THSD7B: variants seen among roughly 807,000 people sequenced by gnomAD.
THSD7B encodes the protein thrombospondin type-1 domain-containing protein 7B.
Under a neutral mutation model 213.6 loss-of-function variants are expected in THSD7B, and 138 were observed. The ratio of observed to expected loss-of-function variants is 0.65; its 90% CI spans 0.56 to 0.74. THSD7B has a LOEUF of 0.74. Ranked by LOEUF, THSD7B falls within the 30% of genes least tolerant of loss-of-function variation. The pLI is 0.00. For synonymous variants in THSD7B, 742 were observed against 687.0 expected, an observed-to-expected ratio of 1.08 and a Z score of -1.25; for missense variants, 1,931 against 1,991.5, an observed-to-expected ratio of 0.97 and a Z score of 0.58.
At chr2:136,806,677 G>A (rs1449105267) in intron 1 of THSD7B, among the ~76,000 whole-genome samples, 1 of 152,194 alleles carries the variant, frequency 6.6e-6, no homozygotes, top group East Asian at 1.9e-4. Flanking sequence ...ACATTTGACA[G>A]AAGACGAATC....
chr2:137,160,702 C>A (rs891153357), intron 6 of THSD7B, among the ~76,000 whole-genome samples: 7 of 152,212 alleles, frequency 4.6e-5, no homozygotes, highest in African/African-American at 1.7e-4. Context: ...TGGCTCACTG[C>A]AATCTCTGCC....
intron 14 of THSD7B, among the ~76,000 whole-genome samples, chr2:137,434,136 G>C (rs1687242917): frequency 6.6e-6 from 1 of 152,186 alleles, no homozygotes; most frequent in South Asian, 2.1e-4. Flanking sequence ...TTGCAGGGAA[G>C]ACATCTCTCA....
At chr2:137,134,085 T>G (rs879094340) in intron 5 of THSD7B, among the ~76,000 whole-genome samples, 1 of 152,222 alleles carries the variant, frequency 6.6e-6, no homozygotes, top group Admixed American at 6.5e-5. Context: ...ATGCTTCATC[T>G]AAGTCATCTC....
At chr2:137,426,649 A>G (rs1687061226) in intron 14 of THSD7B, among the ~76,000 whole-genome samples, 1 of 152,184 alleles carries the variant, frequency 6.6e-6, no homozygotes, top group South Asian at 2.1e-4. Context: ...ATCATGCACA[A>G]ACTCAAAATA....
At chr2:137,191,649 C>G (rs1680661906) in intron 7 of THSD7B, among the ~76,000 whole-genome samples, 1 of 152,036 alleles carries the variant, frequency 6.6e-6, no homozygotes, top group South Asian at 2.1e-4. Context: ...CCATGGCTGC[C>G]CACCGTCCTG....
At chr2:137,590,173 T>A (rs766355823) in intron 17 of THSD7B, among the ~76,000 whole-genome samples, 9 of 152,214 alleles carry the variant, frequency 5.9e-5, no homozygotes, top group Non-Finnish European at 1.3e-4. Context: ...TGGGAAGAGC[T>A]AGATCACTGG....
In THSD7B at chr2:137,575,742, A is replaced by ATATATATATATATATATTTTTT. The variant is rs1235744133; in HGVS notation, c.3423+3187_3423+3188insATATATATATATATATTTTTTT. On this transcript the variant is annotated intron_variant, in intron 17 of 27. Coordinates refer to ENST00000409968, the MANE Select transcript of THSD7B (RefSeq NM_001316349.2). ...ATAACACACATATATATATATATAT[A>ATATATATATATATATATTTTTT]TTTTTACTTTAACATGCTTACTTTT... Among the ~76,000 whole-genome samples, 73 of 147,410 alleles carry ATATATATATATATATATTTTTT rather than the reference A, an allele frequency of 5.0e-4. 2 individuals are homozygous for ATATATATATATATATATTTTTT. Among genetic ancestry groups the ATATATATATATATATATTTTTT allele is most frequent in the East Asian group, 2.0e-3 (10 of 5,018 alleles).
At chr2:137,254,542 T>C (rs1682260005) in intron 10 of THSD7B, among the ~76,000 whole-genome samples, 1 of 152,222 alleles carries the variant, frequency 6.6e-6, no homozygotes, top group Non-Finnish European at 1.5e-5. Flanking sequence ...TGTTCATGGG[T>C]ACTGGGAAGA....
chr2:136,950,001 C>T (rs1432309826), intron 2 of THSD7B, among the ~76,000 whole-genome samples: 2 of 152,218 alleles, frequency 1.3e-5, no homozygotes, highest in South Asian at 2.1e-4. Flanking sequence ...CGCCTGTAAT[C>T]GTAGCACTTT....
At chr2:137,439,813 T>C in intron 14 of THSD7B, among the ~76,000 whole-genome samples, 1 of 152,184 alleles carries the variant, frequency 6.6e-6, no homozygotes, top group East Asian at 1.9e-4. Context: ...TAATCCATAT[T>C]CTGATTATAA....
intron 2 of THSD7B, among the ~76,000 whole-genome samples, chr2:136,914,487 C>G (rs903258178): frequency 7.2e-5 from 11 of 152,052 alleles, no homozygotes; most frequent in Admixed American, 2.0e-4. Context: ...TGGCTGTGTC[C>G]CCACCAAAAT....
At chr2:137,196,068 T>A (rs1181304617) in intron 7 of THSD7B, among the ~76,000 whole-genome samples, 1 of 152,208 alleles carries the variant, frequency 6.6e-6, no homozygotes, top group East Asian at 1.9e-4. Context: ...AAAAAGTGCC[T>A]ATAGACAACA....
intron 1 of THSD7B, among the ~76,000 whole-genome samples, chr2:136,825,750 C>T (rs1016859737): frequency 2.3e-5 from 2 of 85,670 alleles, no homozygotes; most frequent in African/African-American, 4.3e-5. Context: ...TGGGGTTTCA[C>T]CATGTTGGCC....
chr2:137,049,239 G>A (rs996821132), intron 2 of THSD7B, among the ~76,000 whole-genome samples: 2 of 152,328 alleles, frequency 1.3e-5, no homozygotes, highest in East Asian at 1.9e-4. Context: ...GGGTGGCGGG[G>A]CCTTCGGCCC....
intron 2 of THSD7B, among the ~76,000 whole-genome samples, chr2:137,027,767 A>G (rs1483412807): frequency 6.6e-6 from 1 of 152,166 alleles, no homozygotes; most frequent in Non-Finnish European, 1.5e-5. Context: ...TGCTGAGGGT[A>G]GGCACTTAAT....
chr2:137,378,559 A>C (rs1297441091), intron 12 of THSD7B, among the ~76,000 whole-genome samples: 1 of 152,218 alleles, frequency 6.6e-6, no homozygotes. Context: ...GTTGTCATGT[A>C]AACATCATCC....
chr2:137,481,080 G>C (rs564514523), intron 15 of THSD7B, among the ~76,000 whole-genome samples: 54 of 152,234 alleles, frequency 3.5e-4, no homozygotes, highest in African/African-American at 1.2e-3. Flanking sequence ...CTGCCATCTT[G>C]GAAGCAGAGA....
At chr2:137,034,338 T>C (rs796177971) in intron 2 of THSD7B, among the ~76,000 whole-genome samples, 11 of 152,186 alleles carry the variant, frequency 7.2e-5, no homozygotes, top group African/African-American at 2.4e-4. Context: ...TCTCTTGACC[T>C]CGTGATCTGC....
At chr2:137,383,932 C>G (rs1035257350) in intron 12 of THSD7B, among the ~76,000 whole-genome samples, 15 of 152,188 alleles carry the variant, frequency 9.9e-5, no homozygotes. Context: ...TTTTAAACCA[C>G]TCAATTTGCG....
Sources: allele counts gnomAD v4.1 joint callset (sites outside exome capture counted in the v4.1 genomes callset), GRCh38; gene constraint gnomAD v4.1.1; transcripts MANE v1.5; gene names NCBI Gene and HGNC (gene_info 2026-07-23, HGNC 2026-07-21).